Variants in GALNT18 observed in about 807,000 individuals in gnomAD.
GALNT18 encodes GalNAc-transferase 18.
A neutral mutation model predicts 69.5 loss-of-function variants in GALNT18; 44 were observed. The observed-to-expected ratio is 0.63, with a 90% CI of 0.50 to 0.81. The LOEUF (loss-of-function observed/expected upper bound fraction) is 0.81, where lower values mean the gene tolerates loss of function less well. GALNT18 is among the 40% of genes least tolerant of loss of function. The pLI is 0.00. For synonymous variants in GALNT18, 364 were observed against 318.2 expected (o/e 1.14, Z -1.53); for missense variants, 715 against 810.0 (o/e 0.88, Z 1.42).
In GALNT18 at chr11:11,605,469, G is replaced by T. The variant is rs759662575; in HGVS notation, c.235+15890C>A. On this transcript the variant is annotated intron_variant, in intron 1 of 10. Coordinates refer to ENST00000227756, the MANE Select transcript of GALNT18 (RefSeq NM_198516.3). This position sits in a 1 kb window ranked among gnomAD's most constrained non-coding sequence, Gnocchi z 4.7. ...AGTCACCGCCACCCTGAAGACACAG[G>T]TGGTGGAGTCCATTCTGAGGTTCTC... is the stretch of plus-strand genomic sequence containing the variant. 6.6e-6 allele frequency among the ~76,000 whole-genome samples: 1 copy of T among 152,208 alleles called. No individual in the cohort carries two copies. The highest frequency in any genetic ancestry group is 1.5e-5 in the Non-Finnish European group (1 of 68,036).
At chr11:11,553,202 A>C (rs1311090296) in intron 1 of GALNT18, among the ~76,000 whole-genome samples, 1 of 152,158 alleles carries the variant, frequency 6.6e-6, no homozygotes, top group Admixed American at 6.5e-5. Context: ...ACCACTCTGA[A>C]GTTTGGCCTA....
intron 3 of GALNT18, among the ~76,000 whole-genome samples, chr11:11,398,238 C>G (rs976534305): frequency 6.6e-6 from 1 of 152,226 alleles, no homozygotes; most frequent in Non-Finnish European, 1.5e-5. Flanking sequence ...TCTGTGTCCA[C>G]TACCTCCCTG....
Position 11,583,336 on chromosome 11 carries a change from C to T in GALNT18, c.235+38023G>A, listed in dbSNP as rs1565026372. Among the ~76,000 whole-genome samples the T allele has an allele frequency of 6.6e-6, 1 of 152,190 alleles. No homozygotes were observed. The highest frequency in any genetic ancestry group is 1.5e-5 in the Non-Finnish European group (1 of 68,038). The stretch of plus-strand genomic sequence containing the variant: ...ACTTATATCTCATAATGGATGGTGA[C>T]CTATCAGATGCCTTTGGGTCCTCCA... On this transcript the variant is annotated intron_variant, in intron 1 of 10. Coordinates refer to ENST00000227756, the MANE Select transcript of GALNT18 (RefSeq NM_198516.3). This position sits in a 1 kb window ranked among gnomAD's most constrained non-coding sequence, Gnocchi z 4.7.
rs1469409541 is a variant in GALNT18 at position 11,595,132 on chromosome 11, G to T, written c.235+26227C>A. ...CTCCCAAAATGTTTTCCAAAGTGAT[G>T]GTACCATTTTATATTTTGCTATGAT... On this transcript the variant is annotated intron_variant, in intron 1 of 10. Coordinates refer to ENST00000227756, the MANE Select transcript of GALNT18 (RefSeq NM_198516.3). The surrounding 1 kb of genome is among the most constrained non-coding windows in gnomAD (Gnocchi z 5.2). Among the ~76,000 whole-genome samples the T allele has an allele frequency of 6.6e-6, 1 of 151,706 alleles. No homozygotes were observed. The highest frequency in any genetic ancestry group is 2.4e-5 in the African/African-American group (1 of 41,284).
chr11:11,562,091 GT>G lies in GALNT18; in HGVS notation c.235+59267del, dbSNP rs1385528234. On this transcript the variant is annotated intron_variant, in intron 1 of 10. Coordinates refer to ENST00000227756, the MANE Select transcript of GALNT18 (RefSeq NM_198516.3). This position sits in a 1 kb window ranked among gnomAD's most constrained non-coding sequence, Gnocchi z 4.1. ...AGGTGTGGGATTGCTCCCTGCATTAGTTTGCTAGTGCTGTCCTAACTAAGTA... is the reference window on the plus strand; with the variant it reads ...AGGTGTGGGATTGCTCCCTGCATTAGTTGCTAGTGCTGTCCTAACTAAGTA... 6.6e-6 allele frequency among the ~76,000 whole-genome samples: 1 copy of G among 152,252 alleles called. No individual in the cohort carries two copies. The highest frequency in any genetic ancestry group is 1.5e-5 in the Non-Finnish European group (1 of 68,046).
At chr11:11,349,024 T>A (rs1284008219) in intron 6 of GALNT18, among the ~76,000 whole-genome samples, 1 of 128,392 alleles carries the variant, frequency 7.8e-6, no homozygotes, top group Admixed American at 7.0e-5. Context: ...TTATCCTGAA[T>A]TTTTTTAATA....
At position 11,602,779 on chromosome 11, in the gene GALNT18, A is replaced by G. The variant is rs1046968343; in HGVS notation, c.235+18580T>C. On this transcript the variant is annotated intron_variant, in intron 1 of 10. Transcript: ENST00000227756. The surrounding 1 kb of genome is among the most constrained non-coding windows in gnomAD (Gnocchi z 4.7). ...TTGCACTGCAAAAAAAGAGAGAATCATTTAGAGAACAGCTGGCTCTATTGA... is the reference window on the plus strand; with the variant it reads ...TTGCACTGCAAAAAAAGAGAGAATCGTTTAGAGAACAGCTGGCTCTATTGA... 6.6e-6 allele frequency among the ~76,000 whole-genome samples: 1 copy of G among 152,190 alleles called. No homozygotes were observed. Among genetic ancestry groups the G allele is most frequent in the Admixed American group, 6.5e-5 (1 of 15,272 alleles).
Position 11,283,292 on chromosome 11 carries a change from A to G in GALNT18, c.1677+9737T>C, listed in dbSNP as rs188806199. Among the ~76,000 whole-genome samples the G allele has an allele frequency of 2.6e-3, 397 of 152,248 alleles. 3 individuals carry two copies. Among genetic ancestry groups the G allele is most frequent in the African/African-American group, 9.1e-3 (380 of 41,536 alleles). On this transcript the variant is annotated intron_variant, in intron 10 of 10. Transcript: ENST00000227756. ...TGCCCAAGTAGCTGGGATTACAGAC[A>G]TGCACCATCATGCCTGGCTAGTATT...
At position 11,383,228 on chromosome 11, in the gene GALNT18, A is replaced by G. The variant is rs1853964423; in HGVS notation, c.596-3964T>C. On this transcript the variant is annotated intron_variant, in intron 3 of 10. Transcript: ENST00000227756. The surrounding 1 kb of genome is among the most constrained non-coding windows in gnomAD (Gnocchi z 5.2). ...CTCATTTCTTCAGACTTAGACGCCA[A>G]GGAAACACAGGGGATTCACCAGCCT... Among the ~76,000 whole-genome samples the G allele has an allele frequency of 6.6e-6, 1 of 152,198 alleles. No individual in the cohort carries two copies. The highest frequency in any genetic ancestry group is 2.1e-4 in the South Asian group (1 of 4,828).
Position 11,497,579 on chromosome 11 carries a change from A to G in GALNT18, c.236-48643T>C, listed in dbSNP as rs958063053. Among the ~76,000 whole-genome samples the G allele has an allele frequency of 6.6e-6, 1 of 152,190 alleles. No individual in the cohort carries two copies. Among genetic ancestry groups the G allele is most frequent in the African/African-American group, 2.4e-5 (1 of 41,424 alleles). On this transcript the variant is annotated intron_variant, in intron 1 of 10. Coordinates refer to ENST00000227756, the MANE Select transcript of GALNT18 (RefSeq NM_198516.3). The surrounding 1 kb of genome is among the most constrained non-coding windows in gnomAD (Gnocchi z 4.2). ...TATGAATGAAATGAGATTATTATCTATAAAGAATTTTGTGGAGGCATGGCA... is the reference window on the plus strand; with the variant it reads ...TATGAATGAAATGAGATTATTATCTGTAAAGAATTTTGTGGAGGCATGGCA...
rs948215204 is a variant in GALNT18, at chr11:11,563,666, C to T, written c.235+57693G>A. Reference sequence around the variant, plus strand: ...CTTGTGGTTGCTGGTGGGGGCCCCACAGCCGGCAAGTGGGATTCAAACCCA... The same window carrying T: ...CTTGTGGTTGCTGGTGGGGGCCCCATAGCCGGCAAGTGGGATTCAAACCCA... On this transcript the variant is annotated intron_variant, in intron 1 of 10. Coordinates refer to ENST00000227756, the MANE Select transcript of GALNT18 (RefSeq NM_198516.3). The surrounding 1 kb of genome is among the most constrained non-coding windows in gnomAD (Gnocchi z 4.6). 6.6e-6 allele frequency among the ~76,000 whole-genome samples: 1 copy of T among 152,182 alleles called. No homozygotes were observed. Among genetic ancestry groups the T allele is most frequent in the Non-Finnish European group, 1.5e-5 (1 of 68,036 alleles).
chr11:11,617,469 A>C lies in GALNT18; in HGVS notation c.235+3890T>G, dbSNP rs1473135786. 6.6e-6 allele frequency among the ~76,000 whole-genome samples: 1 copy of C among 152,188 alleles called. No homozygotes were observed. Among genetic ancestry groups the C allele is most frequent in the Non-Finnish European group, 1.5e-5 (1 of 68,038 alleles). ...TGTTAAACCAATAAACTATGTAGCA[A>C]ATATGGAAAAAATAGTGCTTCGTTA... On this transcript the variant is annotated intron_variant, in intron 1 of 10. Coordinates refer to ENST00000227756, the MANE Select transcript of GALNT18 (RefSeq NM_198516.3). The surrounding 1 kb of genome is among the most constrained non-coding windows in gnomAD (Gnocchi z 4.7).
In GALNT18 at chr11:11,500,259, A is replaced by G. The variant is rs1283493777; in HGVS notation, c.236-51323T>C. Among the ~76,000 whole-genome samples the G allele has an allele frequency of 6.6e-6, 1 of 152,216 alleles. No homozygotes were observed. Among genetic ancestry groups the G allele is most frequent in the African/African-American group, 2.4e-5 (1 of 41,460 alleles). ...CAGACAGGTAGCGTTCACTGCCAAG[A>G]ACCTGCAGGAGGCTGGCCTCCCGGG... On this transcript the variant is annotated intron_variant, in intron 1 of 10. Transcript: ENST00000227756. This position sits in a 1 kb window ranked among gnomAD's most constrained non-coding sequence, Gnocchi z 5.0.
At chr11:11,427,880 G>A (rs1263396698) in intron 3 of GALNT18, among the ~76,000 whole-genome samples, 4 of 152,220 alleles carry the variant, frequency 2.6e-5, no homozygotes, top group African/African-American at 7.2e-5. Context: ...CTGTGAGGCA[G>A]ACAGGGCAAG....
chr11:11,546,817 C>T lies in GALNT18; in HGVS notation c.235+74542G>A, dbSNP rs1324705930. On this transcript the variant is annotated intron_variant, in intron 1 of 10. Coordinates refer to ENST00000227756, the MANE Select transcript of GALNT18 (RefSeq NM_198516.3). The surrounding 1 kb of genome is among the most constrained non-coding windows in gnomAD (Gnocchi z 5.8). ...TAGAGCAGGCACTCAGATCAATTTTCGGTCAGATGGATGGATGGGTGGGTT... is the reference window on the plus strand; with the variant it reads ...TAGAGCAGGCACTCAGATCAATTTTTGGTCAGATGGATGGATGGGTGGGTT... Among the ~76,000 whole-genome samples the T allele has an allele frequency of 3.4e-5, 5 of 148,156 alleles. No individual in the cohort carries two copies. The highest frequency in any genetic ancestry group is 7.4e-5 in the Non-Finnish European group (5 of 67,130).
intron 3 of GALNT18, among the ~76,000 whole-genome samples, chr11:11,422,046 T>C (rs1310888301): frequency 1.3e-5 from 2 of 152,178 alleles, no homozygotes; most frequent in Non-Finnish European, 2.9e-5. Flanking sequence ...ATCTATATCA[T>C]CTATATCTAT....
chr11:11,522,343 A>T (rs2133930030), intron 1 of GALNT18, among the ~76,000 whole-genome samples: 2 of 152,272 alleles, frequency 1.3e-5, no homozygotes. Context: ...CACAACTTCC[A>T]GTGGCCGACA....
chr11:11,518,708 A>G (rs182923491), intron 1 of GALNT18, among the ~76,000 whole-genome samples: 19 of 152,376 alleles, frequency 1.2e-4, no homozygotes, highest in Admixed American at 7.8e-4. Flanking sequence ...CTGGCTTTTC[A>G]TTAAGAAAGG....
At chr11:11,275,380 G>A (rs1848922159) in intron 10 of GALNT18, among the ~76,000 whole-genome samples, 1 of 152,160 alleles carries the variant, frequency 6.6e-6, no homozygotes, top group African/African-American at 2.4e-5. Flanking sequence ...CCCACTTTTA[G>A]ATGGGGTTGT....
Sources: gnomAD v4.1 joint callset for allele counts (sites outside exome capture counted in the v4.1 genomes callset) on GRCh38, gnomAD v4.1.1 for gene constraint, Gnocchi (gnomAD v3.1) non-coding constraint, MANE v1.5 for transcripts, NCBI Gene and HGNC (gene_info 2026-07-23, HGNC 2026-07-21) for gene names.